The following LOC400499 variants were observed in gnomAD, a reference collection of about 807,000 sequenced individuals.
chr16:11,419,365 A>T, the LOC400499 span, among the ~76,000 whole-genome samples: 1 of 151,978 alleles, frequency 6.6e-6, no homozygotes, highest in African/African-American at 2.4e-5. Context: ...TTCCCTATTT[A>T]ATAAATGGTG....
the LOC400499 span, among the ~76,000 whole-genome samples, chr16:11,383,374 C>T: frequency 6.6e-6 from 1 of 152,270 alleles, no homozygotes; most frequent in Non-Finnish European, 1.5e-5. Flanking sequence ...GCCTTGCCAG[C>T]TTCTTTTTAA....
the LOC400499 span, chr16:11,384,812 G>T: frequency 1.7e-6 from 2 of 1,202,716 alleles, no homozygotes; most frequent in East Asian, 3.2e-5. Flanking sequence ...GCCCCCTGCC[G>T]CCCTGGAAGC....
chr16:11,471,463 C>G, the LOC400499 span: 2 of 393,418 alleles, frequency 5.1e-6, no homozygotes, highest in African/African-American at 2.1e-5. Flanking sequence ...AAGACTGATT[C>G]AGAGTTAATG....
the LOC400499 span, among the ~76,000 whole-genome samples, chr16:11,521,553 A>G: frequency 6.6e-6 from 1 of 152,112 alleles, no homozygotes; most frequent in Non-Finnish European, 1.5e-5. Context: ...TGCTGGGAAT[A>G]GACTTCCACC....
the LOC400499 span, among the ~76,000 whole-genome samples, chr16:11,456,472 G>C: frequency 1.3e-5 from 2 of 152,232 alleles, no homozygotes; most frequent in African/African-American, 4.8e-5. Flanking sequence ...TAACGAGCAA[G>C]GGGGAGAGTG....
chr16:11,449,625 CAGG>C, the LOC400499 span, among the ~76,000 whole-genome samples: 1 of 152,224 alleles, frequency 6.6e-6, no homozygotes, highest in African/African-American at 2.4e-5. Context: ...GGGGTCTCAC[CAGG>C]AGAAGTGACA....
chr16:11,404,108 T>A, the LOC400499 span, among the ~76,000 whole-genome samples: 3 of 152,160 alleles, frequency 2.0e-5, no homozygotes, highest in Non-Finnish European at 4.4e-5. Flanking sequence ...CAGAACTCAG[T>A]TCAGAAGTCA....
the LOC400499 span, among the ~76,000 whole-genome samples, chr16:11,507,833 CTGAGGTGGGAGGA>C: frequency 0.12 from 18,168 of 151,894 alleles, 3,214 homozygotes; most frequent in African/African-American, 0.39. Context: ...ACTCTGGAGG[CTGAGGTGGGAGGA>C]TCACTTGAGC....
chr16:11,443,330 CAAA>C, the LOC400499 span: 1,736 of 258,862 alleles, frequency 6.7e-3, 1 homozygote, highest in East Asian at 0.013. Context: ...TCCTCAGTCT[CAAA>C]AAAAAAAAAA....
chr16:11,520,333 G>T, the LOC400499 span, among the ~76,000 whole-genome samples: 1 of 152,146 alleles, frequency 6.6e-6, no homozygotes, highest in Non-Finnish European at 1.5e-5. Context: ...GAAGTTCAAA[G>T]ACAGGCAAAA....
At chr16:11,419,190 A>C in the LOC400499 span, among the ~76,000 whole-genome samples, 1 of 139,206 alleles carries the variant, frequency 7.2e-6, no homozygotes, top group Non-Finnish European at 1.6e-5. Flanking sequence ...CAACAACAAC[A>C]AAAAAAATAT....
the LOC400499 span, among the ~76,000 whole-genome samples, chr16:11,397,845 T>C: frequency 6.7e-6 from 1 of 148,404 alleles, no homozygotes; most frequent in East Asian, 2.0e-4. Flanking sequence ...GGTTGGAGGA[T>C]GAATGGATGG....
At chr16:11,491,429 T>C in the LOC400499 span, among the ~76,000 whole-genome samples, 3 of 152,076 alleles carry the variant, frequency 2.0e-5, no homozygotes, top group Non-Finnish European at 2.9e-5. Context: ...CATCCTATTT[T>C]ACAGATGAGG....
the LOC400499 span, chr16:11,384,775 G>A: frequency 1.6e-5 from 15 of 956,418 alleles, no homozygotes; most frequent in Non-Finnish European, 2.0e-5. Context: ...TAGAGACGAG[G>A]CCGGCAGAGG....
the LOC400499 span, among the ~76,000 whole-genome samples, chr16:11,379,422 C>T: frequency 5.3e-5 from 8 of 152,222 alleles, no homozygotes; most frequent in Middle Eastern, 3.2e-3. Flanking sequence ...TCTCTTATAA[C>T]AGCTTTTGAC....
chr16:11,504,556 C>A, the LOC400499 span, among the ~76,000 whole-genome samples: 12 of 150,424 alleles, frequency 8.0e-5, no homozygotes, highest in Non-Finnish European at 1.5e-4. Context: ...ACTCCGTCCC[C>A]CCCCCCAAAA....
At chr16:11,391,753 C>T in the LOC400499 span, 3 of 1,232,194 alleles carry the variant, frequency 2.4e-6, no homozygotes, top group Middle Eastern at 3.1e-4. Context: ...TGGCTCCGGG[C>T]CCACAAAGTG....
At chr16:11,415,226 T>G in the LOC400499 span, among the ~76,000 whole-genome samples, 3 of 152,170 alleles carry the variant, frequency 2.0e-5, no homozygotes, top group Admixed American at 1.3e-4. Context: ...AGGAGTTTCT[T>G]CTTTGACTTA....
chr16:11,471,380 C>T, the LOC400499 span: 2 of 320,368 alleles, frequency 6.2e-6, no homozygotes, highest in Non-Finnish European at 1.1e-5. Flanking sequence ...CGGCAAGTCA[C>T]AAAAGAATAT....
Sources: allele counts gnomAD v4.1 joint callset (sites outside exome capture counted in the v4.1 genomes callset), GRCh38; gene constraint gnomAD v4.1.1; transcripts MANE v1.5.